The following RAD54B variants were observed in gnomAD, a reference collection of about 807,000 sequenced individuals.
RAD54B encodes RAD54 homolog B, also known as DNA repair and recombination protein RAD54B.
In RAD54B, 78 loss-of-function variants were observed where a neutral mutation model predicts 95.8. The ratio of observed to expected loss-of-function variants is 0.81; its 90% CI spans 0.68 to 0.98. RAD54B has a LOEUF of 0.98. RAD54B is among the 50% of genes least tolerant of loss of function. The pLI is 0.00. For synonymous variants in RAD54B, 328 were observed against 354.9 expected, an observed-to-expected ratio of 0.92 and a Z score of 0.85; for missense variants, 957 against 1,056.6, an observed-to-expected ratio of 0.91 and a Z score of 1.31.
intron 10 of RAD54B, 46 bp from the exon 11 acceptor site, chr8:94,387,205 T>G: frequency 1.4e-6 from 2 of 1,458,288 alleles, no homozygotes; most frequent in Non-Finnish European, 1.8e-6. Context: ...TTTGTTTTTT[T>G]AATTAGGAGG....
chr8:94,423,030 C>T (rs1164644512), intron 3 of RAD54B, among the ~76,000 whole-genome samples: 1 of 151,720 alleles, frequency 6.6e-6, no homozygotes, highest in Non-Finnish European at 1.5e-5. Flanking sequence ...TTAAGAGTTG[C>T]TTTAGAATAT....
intron 3 of RAD54B, chr8:94,436,475 C>T: frequency 6.6e-7 from 1 of 1,513,698 alleles, no homozygotes; most frequent in Non-Finnish European, 8.8e-7. Flanking sequence ...TTTTCCATAA[C>T]AAAACAAAAT....
At chr8:94,451,557 C>T (rs1812656475) in intron 3 of RAD54B, among the ~76,000 whole-genome samples, 1 of 152,118 alleles carries the variant, frequency 6.6e-6, no homozygotes, top group Non-Finnish European at 1.5e-5. Context: ...AGAAACCCTG[C>T]TGACACCAAT....
rs373977494 is a variant in RAD54B at position 94,400,305 on chromosome 8, T to C, written c.1103A>G (p.Asn368Ser). 7 of 1,613,816 alleles carry C rather than the reference T, an allele frequency of 4.3e-6. No individual in the cohort carries two copies. The highest frequency in any genetic ancestry group is 5.9e-6 in the Non-Finnish European group (7 of 1,179,904). Residue 368 changes from asparagine (N) to serine (S), a missense_variant, in exon 7 of 15, where the codon AAT (asparagine) becomes AGT (serine). Coordinates refer to ENST00000336148, the MANE Select transcript of RAD54B (RefSeq NM_012415.3). Reference protein sequence around the residue: ...TLIVTPGSLVNNWKKEFQKWL... With the variant: ...TLIVTPGSLVSNWKKEFQKWL... ...TTTTTGAAATTCTTTCTTCCAATTA[T>C]TCACCAAGCTTCCAGGTGTGACAAT...
At chr8:94,406,329 C>A (rs780612569) in intron 5 of RAD54B, among the ~76,000 whole-genome samples, 3 of 152,034 alleles carry the variant, frequency 2.0e-5, no homozygotes, top group Non-Finnish European at 2.9e-5. Context: ...CAGTTCCCCA[C>A]AGCCCTGTAT....
At chr8:94,399,693 C>T in intron 7 of RAD54B, 72 bp from the exon 8 acceptor site, 1 of 1,473,116 alleles carries the variant, frequency 6.8e-7, no homozygotes. Flanking sequence ...GCAGCCTATT[C>T]CTGACAGTCA....
chr8:94,427,771 CATT>C (rs1036472976), intron 3 of RAD54B: 2 of 962,752 alleles, frequency 2.1e-6, no homozygotes, highest in African/African-American at 3.5e-5. Context: ...ATTTAACCAT[CATT>C]ATCTACAGTA....
intron 8 of RAD54B, among the ~76,000 whole-genome samples, chr8:94,398,520 C>T: frequency 6.6e-6 from 1 of 152,042 alleles, no homozygotes. Flanking sequence ...AGAGCTGTGA[C>T]ATGCATAAAC....
intron 4 of RAD54B, among the ~76,000 whole-genome samples, chr8:94,408,574 A>C (rs1007189263): frequency 6.6e-6 from 1 of 152,082 alleles, no homozygotes; most frequent in Non-Finnish European, 1.5e-5. Context: ...AAATTACTAA[A>C]ATTTTCTCTA....
chr8:94,430,752 A>T, intron 3 of RAD54B: 1 of 976,884 alleles, frequency 1.0e-6, no homozygotes, highest in Non-Finnish European at 1.2e-6. Flanking sequence ...AAATTGGAAG[A>T]TTCCTCATTA....
Position 94,372,178 on chromosome 8 carries a change from C to T in RAD54B, c.2725G>A (p.Gly909Ser). 1 of 1,602,434 alleles carries T rather than the reference C, an allele frequency of 6.2e-7. No individual in the cohort carries two copies. Reference sequence around the variant, plus strand: ...TCAGAAGTAATCTTTCACTATGTGCCAGTAGCTTGAGTGGTTATATTCTGA... The same window carrying T: ...TCAGAAGTAATCTTTCACTATGTGCTAGTAGCTTGAGTGGTTATATTCTGA... ...IFQNITTQAT[G>S]T The change falls in exon 15 of 15, where the codon GGC becomes AGC. Residue 909 changes from glycine to serine, a missense_variant. Physicochemically the swap from Gly to Ser is moderately conservative, Grantham distance 56. Coordinates refer to ENST00000336148, the MANE Select transcript of RAD54B (RefSeq NM_012415.3).
At chr8:94,461,756 G>GT (rs1812911245) in intron 2 of RAD54B, among the ~76,000 whole-genome samples, 1 of 152,010 alleles carries the variant, frequency 6.6e-6, no homozygotes, top group South Asian at 2.1e-4. Context: ...ACACACACAC[G>GT]TGAGAGTAAA....
intron 5 of RAD54B, among the ~76,000 whole-genome samples, chr8:94,406,848 A>G (rs1195119582): frequency 6.6e-6 from 1 of 152,184 alleles, no homozygotes; most frequent in Non-Finnish European, 1.5e-5. Flanking sequence ...CCCAACCCAT[A>G]AAAGGCAATC....
chr8:94,426,396 C>T lies in RAD54B; in HGVS notation c.305-15081G>A, dbSNP rs1281636109. On this transcript the variant is annotated intron_variant, in intron 3 of 14. Transcript: ENST00000336148. The stretch of plus-strand genomic sequence containing the variant: ...TAACTAACATTATGTCCATGAAAAA[C>T]TTGCACAAGAATATTCATAGAATCT... 6.6e-5 allele frequency among the ~76,000 whole-genome samples: 10 copies of T among 151,726 alleles called. No homozygotes were observed. The South Asian group carries it at 2.1e-3, about 32-fold the overall frequency.
chr8:94,431,358 TAG>T, intron 3 of RAD54B: 1 of 984,696 alleles, frequency 1.0e-6, no homozygotes, highest in Non-Finnish European at 1.2e-6. Context: ...GGAACAAAAA[TAG>T]AGAGAGAATG....
At chr8:94,429,557 T>A (rs1812033662) in intron 3 of RAD54B, 1 of 982,554 alleles carries the variant, frequency 1.0e-6, no homozygotes, top group East Asian at 1.1e-4. Flanking sequence ...TTACATCTCA[T>A]ATATGTGCTT....
Position 94,376,827 on chromosome 8 carries a change from T to G in RAD54B, c.2515+1353A>C, listed in dbSNP as rs575241876. ...AACTAATAAACTAATAAGCTTCTAT[T>G]GTACCTAAAGAGAAACATTTATATA... On this transcript the variant is annotated intron_variant, in intron 14 of 14. Transcript: ENST00000336148. Among the ~76,000 whole-genome samples the G allele has an allele frequency of 2.7e-5, 4 of 150,566 alleles. No individual in the cohort carries two copies. In the East Asian group the frequency reaches 7.8e-4, roughly 29 times the overall value.
intron 3 of RAD54B, among the ~76,000 whole-genome samples, chr8:94,445,347 A>G (rs181699708): frequency 1.5e-3 from 225 of 152,268 alleles, no homozygotes; most frequent in African/African-American, 5.2e-3. Context: ...ATGTGGGGGA[A>G]AAACAAACAT....
At chr8:94,472,052 T>C (rs1228999675) in intron 1 of RAD54B, among the ~76,000 whole-genome samples, 1 of 152,168 alleles carries the variant, frequency 6.6e-6, no homozygotes, top group Non-Finnish European at 1.5e-5. Context: ...AAATATTTTA[T>C]ATATAACCAG....
Sources: allele counts gnomAD v4.1 joint callset (sites outside exome capture counted in the v4.1 genomes callset), GRCh38; gene constraint gnomAD v4.1.1; transcripts MANE v1.5; gene names NCBI Gene and HGNC (gene_info 2026-07-23, HGNC 2026-07-21).